The following ANO3 variants were observed in gnomAD, a reference collection of about 807,000 sequenced individuals.
ANO3 encodes anoctamin-3.
In ANO3, 99 loss-of-function variants were observed where a neutral mutation model predicts 144.8. The observed-to-expected ratio is 0.68, with a 90% CI of 0.58 to 0.81. The LOEUF (loss-of-function observed/expected upper bound fraction) is 0.81. Among genes scored for constraint, ANO3 ranks in the 30% least tolerant of loss-of-function variants. ANO3 has a pLI of 0.00. For missense variants in ANO3, 905 were observed against 1,202.2 expected (o/e 0.75, Z 3.66); for synonymous variants, 414 against 392.6 (o/e 1.05, Z -0.64).
At chr11:26,530,462 T>TATCTATCTATC (rs1554965958) in intron 7 of ANO3, among the ~76,000 whole-genome samples, 3 of 59,292 alleles carry the variant, frequency 5.1e-5, no homozygotes, top group African/African-American at 1.6e-4. Context: ...TCTGTCTGTC[T>TATCTATCTATC]ATCTATCTAT....
chr11:26,315,112 A>AC (rs1854591898), intron 1 of ANO3, among the ~76,000 whole-genome samples: 1 of 151,866 alleles, frequency 6.6e-6, no homozygotes, highest in South Asian at 2.1e-4. Context: ...AGAAAAAAAA[A>AC]CAGCTGTAGA....
At chr11:26,382,736 G>A (rs1486143567) in intron 1 of ANO3, among the ~76,000 whole-genome samples, 1 of 152,098 alleles carries the variant, frequency 6.6e-6, no homozygotes, top group Non-Finnish European at 1.5e-5. Flanking sequence ...GATGTTCCAA[G>A]GCTATGAAAA....
intron 1 of ANO3, among the ~76,000 whole-genome samples, chr11:26,333,920 G>A (rs567133757): frequency 6.6e-6 from 1 of 152,290 alleles, no homozygotes; most frequent in East Asian, 1.9e-4. Context: ...AAGATGATAG[G>A]AACTTTGCAA....
In ANO3 at chr11:26,467,029, A is replaced by T. The variant is rs531169532; in HGVS notation, c.432+3881A>T. ...AAAACTTTCTAAAATTGTTTTTTTT[A>T]AAAACTCTATTTACAAAAGTGCCTT... On this transcript the variant is annotated intron_variant, in intron 4 of 26. Coordinates refer to ENST00000256737, the MANE Select transcript of ANO3 (RefSeq NM_031418.4). Among the ~76,000 whole-genome samples the T allele has an allele frequency of 4.9e-4, 74 of 151,946 alleles. 1 individual carries two copies. The highest frequency in any genetic ancestry group is 9.0e-4 in the Non-Finnish European group (61 of 67,900).
chr11:26,424,298 T>A (rs1314041790), intron 1 of ANO3, among the ~76,000 whole-genome samples: 1 of 151,712 alleles, frequency 6.6e-6, no homozygotes, highest in Admixed American at 6.6e-5. Context: ...TATGTCAGTT[T>A]TTTTTTCATT....
At chr11:26,288,155 GA>G (rs796801247) in intron 1 of ANO3, 4 of 153,192 alleles carry the variant, frequency 2.6e-5, no homozygotes, top group African/African-American at 9.6e-5. Context: ...GCTAAGTGAG[GA>G]AGCAGGGTAG....
chr11:26,274,693 G>T (rs1487050014), intron 1 of ANO3, among the ~76,000 whole-genome samples: 2 of 151,962 alleles, frequency 1.3e-5, no homozygotes, highest in African/African-American at 2.4e-5. Context: ...GCCATCTGTT[G>T]GTTACTTTGT....
chr11:26,625,113 G>A (rs1482393077), intron 18 of ANO3, among the ~76,000 whole-genome samples: 1 of 152,058 alleles, frequency 6.6e-6, no homozygotes, highest in Non-Finnish European at 1.5e-5. Flanking sequence ...TTTTAGTAGA[G>A]ACGGGGTTTC....
At chr11:26,210,931 A>G (rs183209161) in intron 1 of ANO3, among the ~76,000 whole-genome samples, 41 of 152,212 alleles carry the variant, frequency 2.7e-4, no homozygotes, top group Non-Finnish European at 5.4e-4. Flanking sequence ...CCCCACTGTC[A>G]ATATTAGACA....
Position 26,553,355 on chromosome 11 carries a change from G to C in ANO3, c.1386+10G>C. On this transcript the variant is annotated intron_variant, in intron 13 of 26. Coordinates refer to ENST00000256737, the MANE Select transcript of ANO3 (RefSeq NM_031418.4). ...CTGTATCTATGCCAAGGTGAGTGTG[G>C]ACCCTCACATTCTCCTCCCTGAGCT... 6.3e-7 allele frequency: 1 copy of C among 1,583,538 alleles called. No homozygotes were observed. The highest frequency in any genetic ancestry group is 8.7e-7 in the Non-Finnish European group (1 of 1,153,814).
chr11:26,389,666 A>G (rs1346261762), intron 1 of ANO3, among the ~76,000 whole-genome samples: 1 of 152,106 alleles, frequency 6.6e-6, no homozygotes, highest in Non-Finnish European at 1.5e-5. Flanking sequence ...AATCATGAAT[A>G]TGTATTAAGT....
At chr11:26,259,529 T>A (rs1853136171) in intron 1 of ANO3, among the ~76,000 whole-genome samples, 1 of 122,548 alleles carries the variant, frequency 8.2e-6, no homozygotes, top group Non-Finnish European at 1.6e-5. Context: ...GTGCCTGTAG[T>A]CCCAGCTACT....
chr11:26,545,059 T>G (rs1849752161), intron 11 of ANO3, among the ~76,000 whole-genome samples: 1 of 152,034 alleles, frequency 6.6e-6, no homozygotes. Flanking sequence ...AAACTATTTA[T>G]GCATAGCATT....
intron 3 of ANO3, among the ~76,000 whole-genome samples, chr11:26,458,074 G>T (rs905551731): frequency 3.3e-5 from 5 of 152,130 alleles, no homozygotes; most frequent in Middle Eastern, 3.4e-3. Flanking sequence ...ATAATATTTG[G>T]TATTGTAATT....
At chr11:26,409,954 C>CT (rs1565008571) in intron 1 of ANO3, among the ~76,000 whole-genome samples, 179 of 152,016 alleles carry the variant, frequency 1.2e-3, no homozygotes, top group African/African-American at 4.2e-3. Flanking sequence ...ATTTTCTACA[C>CT]GATTGTAAGC....
intron 23 of ANO3, among the ~76,000 whole-genome samples, chr11:26,646,505 C>A (rs559823190): frequency 6.6e-6 from 1 of 152,190 alleles, no homozygotes; most frequent in Admixed American, 6.5e-5. Context: ...CACTTCCAGT[C>A]ACACTGTAAA....
At position 26,454,352 on chromosome 11, in the gene ANO3, A is replaced by G. The variant is rs1330675955; in HGVS notation, c.314-8678A>G. On this transcript the variant is annotated intron_variant, in intron 3 of 26. Coordinates refer to ENST00000256737, the MANE Select transcript of ANO3 (RefSeq NM_031418.4). ...TAGCAAGACTAATAAAGAAGAAAAG[A>G]GAGAAGAATCAAATAGACGCAATAA... Among the ~76,000 whole-genome samples the G allele has an allele frequency of 3.3e-5, 5 of 152,070 alleles. No homozygotes were observed. The East Asian group carries it at 9.7e-4, about 29-fold the overall frequency.
chr11:26,284,815 A>G (rs1451371960), intron 1 of ANO3, among the ~76,000 whole-genome samples: 2 of 152,158 alleles, frequency 1.3e-5, no homozygotes, highest in Non-Finnish European at 2.9e-5. Flanking sequence ...CTGAGGCAGA[A>G]GATGACGTGA....
chr11:26,259,960 G>A (rs1853147723), intron 1 of ANO3, among the ~76,000 whole-genome samples: 1 of 152,000 alleles, frequency 6.6e-6, no homozygotes, highest in African/African-American at 2.4e-5. Flanking sequence ...CACAGTAAAA[G>A]GACCTCACCC....
Sources: gnomAD v4.1 joint callset for allele counts (sites outside exome capture counted in the v4.1 genomes callset) on GRCh38, gnomAD v4.1.1 for gene constraint, MANE v1.5 for transcripts, NCBI Gene and HGNC (gene_info 2026-07-23, HGNC 2026-07-21) for gene names.